GDPD4: variants seen among roughly 807,000 people sequenced by gnomAD.
GDPD4 encodes glycerophosphodiester phosphodiesterase domain containing 4, also known as glycerophosphodiester phosphodiesterase 6.
GDPD4 carries 60 observed loss-of-function variants against 67.8 expected under a neutral mutation model. The observed-to-expected ratio is 0.88, with a 90% CI of 0.72 to 1.10. The LOEUF (loss-of-function observed/expected upper bound fraction) is 1.10, where lower values mean the gene tolerates loss of function less well. Ranked by LOEUF, GDPD4 falls within the 50% of genes least tolerant of loss-of-function variation. The probability of loss-of-function intolerance (pLI) is 0.00; values close to 1 mark genes in which losing one functional copy is unlikely to be tolerated. For missense variants in GDPD4, 623 were observed against 613.9 expected (o/e 1.01, Z -0.16); for synonymous variants, 212 against 210.9 (o/e 1.00, Z -0.04).
intron 16 of GDPD4, among the ~76,000 whole-genome samples, chr11:77,218,807 G>A (rs1238906680): frequency 2.0e-5 from 3 of 149,922 alleles, no homozygotes; most frequent in African/African-American, 7.4e-5. Flanking sequence ...CATTTGGGTT[G>A]GTTCCAAGTC....
At chr11:77,222,091 T>C (rs1958238076) in intron 16 of GDPD4, among the ~76,000 whole-genome samples, 1 of 152,188 alleles carries the variant, frequency 6.6e-6, no homozygotes, top group African/African-American at 2.4e-5. Context: ...TCTTCCTCCC[T>C]CCCTTTATTT....
chr11:77,245,222 G>C (rs1958755975), intron 12 of GDPD4, 59 bp downstream of exon 12: 2 of 1,271,886 alleles, frequency 1.6e-6, no homozygotes, highest in South Asian at 1.2e-5. Context: ...CAACTACTGT[G>C]CTCCTAGGAC....
Position 77,280,380 on chromosome 11 carries a change from A to G in GDPD4, c.54-981T>C, listed in dbSNP as rs535511515. On this transcript the variant is annotated intron_variant, in intron 3 of 16. Transcript: ENST00000315938. Reference sequence around the variant, plus strand: ...AAGAATAGGATGTTTTAACCCAAGCACAGGTGGTTATTAAACAGAGATCTT... The same window carrying G: ...AAGAATAGGATGTTTTAACCCAAGCGCAGGTGGTTATTAAACAGAGATCTT... 4.6e-5 allele frequency among the ~76,000 whole-genome samples: 7 copies of G among 152,202 alleles called. No homozygotes were observed. The East Asian group carries it at 1.2e-3, about 25-fold the overall frequency.
At chr11:77,293,205 C>T (rs757649530) in intron 1 of GDPD4, among the ~76,000 whole-genome samples, 40 of 152,174 alleles carry the variant, frequency 2.6e-4, no homozygotes, top group Non-Finnish European at 3.2e-4. Flanking sequence ...ATATCCCTTA[C>T]GAATCCAAAT....
intron 1 of GDPD4, among the ~76,000 whole-genome samples, chr11:77,291,089 C>T (rs1032136628): frequency 3.3e-5 from 5 of 152,128 alleles, no homozygotes; most frequent in Admixed American, 1.3e-4. Flanking sequence ...TGCAGGACTA[C>T]GCACAATTGC....
In GDPD4 at chr11:77,216,857, A is replaced by ATGTC. The variant is rs1336291870; in HGVS notation, c.*416_*419dup. Reference sequence around the variant, plus strand: ...TTCTTCTTTGGAAACACAGAAGGCTATGTCAGATGCAATGGAATATATTGT... The same window carrying ATGTC: ...TTCTTCTTTGGAAACACAGAAGGCTATGTCTGTCAGATGCAATGGAATATATTGT... On this transcript the variant is annotated 3_prime_UTR_variant, in exon 17 of 17. Transcript: ENST00000315938. 1.5e-6 allele frequency: 1 copy of ATGTC among 646,330 alleles called. No homozygotes were observed. The highest frequency in any genetic ancestry group is 2.8e-6 in the Non-Finnish European group (1 of 360,226). 40.0% of individuals were successfully genotyped at this position (646,330 alleles called of 1,614,324 possible).
Position 77,257,985 on chromosome 11 carries a change from T to A in GDPD4, c.864+401A>T, listed in dbSNP as rs112587624. ...GATGTGTGTTTATTCACCATTATAT[T>A]CCATGTGCCTTGTACCATTAGGTGC... On this transcript the variant is annotated intron_variant, in intron 11 of 16. Coordinates refer to ENST00000315938, the MANE Select transcript of GDPD4 (RefSeq NM_182833.3). 3.3e-3 allele frequency among the ~76,000 whole-genome samples: 507 copies of A among 152,308 alleles called. 1 individual carries two copies. Among genetic ancestry groups the A allele is most frequent in the African/African-American group, 0.011 (471 of 41,550 alleles).
intron 3 of GDPD4, among the ~76,000 whole-genome samples, chr11:77,279,756 C>A (rs1241318332): frequency 6.6e-6 from 1 of 151,952 alleles, no homozygotes; most frequent in Non-Finnish European, 1.5e-5. Flanking sequence ...TAATACTTTA[C>A]ACTTTGGCAG....
In GDPD4 at chr11:77,224,565, A is replaced by G. The variant is rs193075665; in HGVS notation, c.1525+3299T>C. ...GTCACCTCTAGGAGCTCAGACCAAAACCCTGCTAACAGCCATTGAGAAAAC... is the reference window on the plus strand; with the variant it reads ...GTCACCTCTAGGAGCTCAGACCAAAGCCCTGCTAACAGCCATTGAGAAAAC... On this transcript the variant is annotated intron_variant, in intron 16 of 16. Coordinates refer to ENST00000315938, the MANE Select transcript of GDPD4 (RefSeq NM_182833.3). Among the ~76,000 whole-genome samples the G allele has an allele frequency of 1.0e-3, 158 of 152,240 alleles. 1 individual carries two copies. Among genetic ancestry groups the G allele is most frequent in the African/African-American group, 3.7e-3 (153 of 41,534 alleles).
chr11:77,226,065 T>C (rs1489027061), intron 16 of GDPD4, among the ~76,000 whole-genome samples: 2 of 152,234 alleles, frequency 1.3e-5, no homozygotes, highest in Admixed American at 1.3e-4. Flanking sequence ...TCATTTATTT[T>C]CTACTCACCT....
intron 14 of GDPD4, 48 bp from the exon 15 acceptor site, chr11:77,229,280 T>G: frequency 8.5e-7 from 1 of 1,179,216 alleles, no homozygotes; most frequent in Non-Finnish European, 1.2e-6. Context: ...TAGAAGGGAT[T>G]TTGGATCATA....
At chr11:77,290,858 A>G (rs1937748539) in intron 1 of GDPD4, among the ~76,000 whole-genome samples, 1 of 152,230 alleles carries the variant, frequency 6.6e-6, no homozygotes, top group South Asian at 2.1e-4. Flanking sequence ...AAGGGCTATT[A>G]TCAAAAAGAC....
chr11:77,277,559 C>T (rs553637578), intron 4 of GDPD4, among the ~76,000 whole-genome samples: 4 of 151,590 alleles, frequency 2.6e-5, no homozygotes, highest in South Asian at 2.1e-4. Context: ...CCCGCCACCA[C>T]GCCTGGCTAA....
rs746030370 is a variant in GDPD4 at position 77,243,780 on chromosome 11, G to T, written c.1155C>A (p.Gly385=). 6.2e-7 allele frequency: 1 copy of T among 1,612,696 alleles called. No homozygotes were observed. The highest frequency in any genetic ancestry group is 1.7e-5 in the Admixed American group (1 of 59,994). ...RSVAPGFQHV[G]RLVSIETLAK... ...CAAGGGTTTCAATGGATACTAAACG[G>T]CCCACATGCTGAAAACCAGGAGCCA... is the stretch of plus-strand genomic sequence containing the variant. The change falls in exon 13 of 17, where the codon GGC becomes GGA. Residue 385 remains glycine, a synonymous_variant. Coordinates refer to ENST00000315938, the MANE Select transcript of GDPD4 (RefSeq NM_182833.3).
chr11:77,273,979 C>A (rs912632751), intron 5 of GDPD4, among the ~76,000 whole-genome samples: 1 of 152,154 alleles, frequency 6.6e-6, no homozygotes, highest in African/African-American at 2.4e-5. Flanking sequence ...TTCCTGATTT[C>A]AAAGGGGATG....
rs1959924722 is a variant in GDPD4, at chr11:77,284,820, A to C, written c.53+265T>G. On this transcript the variant is annotated intron_variant, in intron 3 of 16. Transcript: ENST00000315938. ...CATTATCTGAGTAGAAGGACTGTGG[A>C]TATTGGAAGCATGAAAGCTTCCTAC... is the stretch of plus-strand genomic sequence containing the variant. Among the ~76,000 whole-genome samples, 3 of 152,204 alleles carry C rather than the reference A, an allele frequency of 2.0e-5. 1 individual carries two copies. Among genetic ancestry groups the C allele is most frequent in the South Asian group, 2.1e-4 (1 of 4,826 alleles).
At chr11:77,259,419 T>C (rs541429127) in intron 10 of GDPD4, among the ~76,000 whole-genome samples, 21 of 152,298 alleles carry the variant, frequency 1.4e-4, no homozygotes, top group African/African-American at 4.6e-4. Flanking sequence ...AAAATATCTA[T>C]GAAGAGAACA....
Position 77,217,217 on chromosome 11 carries a change from G to A in GDPD4, c.*60C>T. ...TAGAGCCGGGTAGAGGGCTGCTAGA[G>A]TCCAAGGACCTTCCACAACTCGGAC... On this transcript the variant is annotated 3_prime_UTR_variant, in exon 17 of 17. Transcript: ENST00000315938. 7.8e-7 allele frequency: 1 copy of A among 1,289,140 alleles called. No individual in the cohort carries two copies. The highest frequency in any genetic ancestry group is 1.1e-6 in the Non-Finnish European group (1 of 883,422). The allele number at this position is 1,289,140 out of a possible 1,614,324, so 79.9% of individuals were successfully genotyped here.
intron 11 of GDPD4, among the ~76,000 whole-genome samples, chr11:77,253,122 C>T (rs4945164): frequency 0.77 from 117,694 of 152,126 alleles, 46,280 homozygotes; most frequent in Middle Eastern, 0.87. Flanking sequence ...CATCAGACTC[C>T]AACCCCTTAG....
Sources: allele counts gnomAD v4.1 joint callset (sites outside exome capture counted in the v4.1 genomes callset), GRCh38; gene constraint gnomAD v4.1.1; transcripts MANE v1.5; gene names NCBI Gene and HGNC (gene_info 2026-07-23, HGNC 2026-07-21).